The following ADCYAP1R1 variants were observed in gnomAD, a reference collection of about 807,000 sequenced individuals.
ADCYAP1R1 encodes pituitary adenylate cyclase-activating polypeptide type I receptor.
A neutral mutation model predicts 67.6 loss-of-function variants in ADCYAP1R1; 44 were observed. The ratio of observed to expected loss-of-function variants is 0.65; its 90% CI spans 0.51 to 0.84. The LOEUF is 0.84. ADCYAP1R1 is among the 40% of genes least tolerant of loss of function. The probability of loss-of-function intolerance (pLI) is 0.00; values close to 1 mark genes in which losing one functional copy is unlikely to be tolerated. For synonymous variants in ADCYAP1R1, 222 were observed against 219.6 expected (o/e 1.01, Z -0.10); for missense variants, 477 against 587.9 (o/e 0.81, Z 1.95).
chr7:31,090,797 A>G (rs1421498136), intron 12 of ADCYAP1R1, among the ~76,000 whole-genome samples: 2 of 152,054 alleles, frequency 1.3e-5, no homozygotes, highest in Non-Finnish European at 1.5e-5. Context: ...TACGTGCCAC[A>G]TTTTCTTTAT....
chr7:31,073,657 G>A (rs977101675), intron 3 of ADCYAP1R1, among the ~76,000 whole-genome samples: 1 of 152,160 alleles, frequency 6.6e-6, no homozygotes, highest in Non-Finnish European at 1.5e-5. Context: ...AGAGGAGGTG[G>A]GAGCCTGCTG....
chr7:31,062,384 T>C (rs190322891), intron 1 of ADCYAP1R1, among the ~76,000 whole-genome samples: 1 of 152,244 alleles, frequency 6.6e-6, no homozygotes, highest in Non-Finnish European at 1.5e-5. Context: ...TTCCGTGTCA[T>C]GGTTTAAGAC....
intron 6 of ADCYAP1R1, among the ~76,000 whole-genome samples, chr7:31,082,984 G>A (rs1482268467): frequency 6.6e-6 from 1 of 152,272 alleles, no homozygotes; most frequent in East Asian, 1.9e-4. Flanking sequence ...GCCTCCCACA[G>A]AGGCTGACCT....
intron 3 of ADCYAP1R1, among the ~76,000 whole-genome samples, chr7:31,071,905 C>T (rs1211072028): frequency 6.6e-6 from 1 of 152,058 alleles, no homozygotes; most frequent in East Asian, 1.9e-4. Flanking sequence ...TCCAACTTGC[C>T]TAATTCCCCC....
chr7:31,080,824 G>A (rs918225344), intron 5 of ADCYAP1R1, among the ~76,000 whole-genome samples, 191 bp downstream of exon 5: 21 of 152,136 alleles, frequency 1.4e-4, no homozygotes, highest in African/African-American at 4.8e-4. Context: ...AGGTCGGGGG[G>A]CACAGGAAGA....
In ADCYAP1R1 at chr7:31,063,305, T is replaced by G. The variant is rs1450512891; in HGVS notation, c.41T>G (p.Leu14Arg). 4.3e-6 allele frequency: 7 copies of G among 1,614,086 alleles called. No individual in the cohort carries two copies. Among genetic ancestry groups the G allele is most frequent in the Non-Finnish European group, 5.9e-6 (7 of 1,180,038 alleles). The change falls in exon 2 of 16, where the codon CTG becomes CGG. Residue 14 changes from leucine (L) to arginine (R), a missense_variant. Coordinates refer to ENST00000304166, the MANE Select transcript of ADCYAP1R1 (RefSeq NM_001118.5). ...VVHVSLAALL[L>R]LPMAPAMHSD... ...CACGTTTCCCTGGCTGCTCTCCTCC[T>G]GCTGCCTATGGTAAGGGCCCAGGAA...
At chr7:31,088,589 A>G (rs1193500426) in intron 12 of ADCYAP1R1, among the ~76,000 whole-genome samples, 2 of 152,192 alleles carry the variant, frequency 1.3e-5, no homozygotes, top group Admixed American at 6.5e-5. Flanking sequence ...CTAATTTTCA[A>G]TGGATGGACA....
intron 13 of ADCYAP1R1, chr7:31,095,573 A>G (rs2128635733): frequency 1.4e-6 from 1 of 710,906 alleles, no homozygotes. Flanking sequence ...GGGCTGTGCC[A>G]GAGTCCCCTG....
chr7:31,086,239 C>A lies in ADCYAP1R1; in HGVS notation c.670-145C>A. 1 of 908,996 alleles carries A rather than the reference C, an allele frequency of 1.1e-6. No homozygotes were observed. Among genetic ancestry groups the A allele is most frequent in the Non-Finnish European group, 1.6e-6 (1 of 617,600 alleles). 56.3% of individuals were successfully genotyped at this position (908,996 alleles called of 1,614,324 possible). On this transcript the variant is annotated intron_variant, in intron 9 of 15. Transcript: ENST00000304166. This position sits in a 1 kb window ranked among gnomAD's most constrained non-coding sequence, Gnocchi z 5.0. ...CAGAATCATGGGATGCTGCAATTTT[C>A]AACTCTTTGATCCAGGAATATTGAC...
intron 3 of ADCYAP1R1, among the ~76,000 whole-genome samples, chr7:31,076,287 C>T (rs376537083): frequency 1.2e-4 from 18 of 152,136 alleles, no homozygotes; most frequent in Non-Finnish European, 2.2e-4. Context: ...GTGAAGAGGT[C>T]GCTGGTGACC....
intron 4 of ADCYAP1R1, among the ~76,000 whole-genome samples, chr7:31,079,521 G>A (rs1795426322): frequency 6.6e-6 from 1 of 152,242 alleles, no homozygotes; most frequent in South Asian, 2.1e-4. Context: ...CTCCAGCACT[G>A]AGTCCTGCCT....
intron 13 of ADCYAP1R1, among the ~76,000 whole-genome samples, chr7:31,100,988 C>T (rs1170930820): frequency 1.3e-5 from 2 of 152,212 alleles, no homozygotes; most frequent in Non-Finnish European, 2.9e-5. Context: ...GCCTAGGCCC[C>T]GTGTCATTTT....
Position 31,111,257 on chromosome 7 carries a change from G to C in ADCYAP1R1, c.*4573G>C, listed in dbSNP as rs1041828247. ...GTCTTCTGTAGCTTTGCCTCTATCA[G>C]GGCTGGAGTGGTGCAGCCCCTGGCA... On this transcript the variant is annotated 3_prime_UTR_variant, in exon 16 of 16. Transcript: ENST00000304166. The C allele has an allele frequency of 4.6e-5, 7 of 152,152 alleles. No individual in the cohort carries two copies. The highest frequency in any genetic ancestry group is 1.7e-4 in the African/African-American group (7 of 41,396). The allele number at this position is 152,152 out of a possible 1,614,324, so 9.4% of individuals were successfully genotyped here. A position where few individuals can be genotyped will look rare whatever the true frequency, so the allele number is the denominator to read the frequency against.
chr7:31,063,964 C>T (rs1280640843), intron 2 of ADCYAP1R1, among the ~76,000 whole-genome samples: 2 of 152,228 alleles, frequency 1.3e-5, no homozygotes, highest in Non-Finnish European at 2.9e-5. Context: ...TGACTGCCTC[C>T]ACACTTGCTG....
intron 9 of ADCYAP1R1, among the ~76,000 whole-genome samples, chr7:31,085,818 T>C (rs539657117): frequency 4.6e-5 from 7 of 152,294 alleles, no homozygotes; most frequent in Admixed American, 2.6e-4. Context: ...GCCCAGGTGC[T>C]GATTGGCCAG....
intron 13 of ADCYAP1R1, among the ~76,000 whole-genome samples, chr7:31,099,256 C>T (rs1400433950): frequency 1.3e-5 from 2 of 152,182 alleles, no homozygotes; most frequent in African/African-American, 2.4e-5. Context: ...AGTCTTCAGC[C>T]CCTGCCCATT....
At chr7:31,097,100 T>C (rs1205586782) in intron 13 of ADCYAP1R1, among the ~76,000 whole-genome samples, 2 of 152,216 alleles carry the variant, frequency 1.3e-5, no homozygotes, top group Non-Finnish European at 2.9e-5. Context: ...GTGACTTTCC[T>C]GCAGACACAC....
Position 31,078,097 on chromosome 7 carries a change from AGGTG to A in ADCYAP1R1, c.265+3_265+6del. 1 of 1,608,140 alleles carries A rather than the reference AGGTG, an allele frequency of 6.2e-7. No individual in the cohort carries two copies. The highest frequency in any genetic ancestry group is 8.5e-7 in the Non-Finnish European group (1 of 1,177,044). On this transcript the variant is annotated splice_donor_variant and splice_donor_region_variant and coding_sequence_variant and intron_variant, in exon 4 of 16. Coordinates refer to ENST00000304166, the MANE Select transcript of ADCYAP1R1 (RefSeq NM_001118.5). LOFTEE classifies it high-confidence loss of function. ...TCTTCCGAATCTTCAACCCAGACCAAGGTGGGTTTAGCCCAGTCTCTTTAGGCCA... is the reference window on the plus strand; with the variant it reads ...TCTTCCGAATCTTCAACCCAGACCAAGGTTTAGCCCAGTCTCTTTAGGCCA...
intron 6 of ADCYAP1R1, among the ~76,000 whole-genome samples, chr7:31,082,344 A>T (rs891180180): frequency 3.3e-5 from 5 of 152,138 alleles, no homozygotes; most frequent in African/African-American, 1.2e-4. Flanking sequence ...TCTTCCGGAG[A>T]TTTCTATCAG....
Sources: gnomAD v4.1 joint callset for allele counts (sites outside exome capture counted in the v4.1 genomes callset) on GRCh38, gnomAD v4.1.1 for gene constraint, Gnocchi (gnomAD v3.1) non-coding constraint, MANE v1.5 for transcripts, NCBI Gene and HGNC (gene_info 2026-07-23, HGNC 2026-07-21) for gene names.